ZNF787: variants seen among roughly 807,000 people sequenced by gnomAD.
ZNF787 encodes the protein zinc finger protein 787.
In ZNF787, 7 loss-of-function variants were observed where a neutral mutation model predicts 16.9. The ratio of observed to expected loss-of-function variants is 0.42; its 90% CI spans 0.24 to 0.78. The LOEUF (loss-of-function observed/expected upper bound fraction) is 0.78. ZNF787 is among the 30% of genes least tolerant of loss of function. The probability of loss-of-function intolerance (pLI) is 0.30; values close to 1 mark genes in which losing one functional copy is unlikely to be tolerated. For missense variants in ZNF787, 551 were observed against 589.3 expected (o/e 0.94, Z 0.67); for synonymous variants, 345 against 270.9 (o/e 1.27, Z -2.69).
rs1985344163 is a variant in ZNF787 at position 56,087,806 on chromosome 19, C to T, written c.*217G>A. The stretch of plus-strand genomic sequence containing the variant: ...GATAACTTAGGAAGGGCGGGCCAGG[C>T]TGAGGGGGCAGAGTCTCGAGGCGGA... On this transcript the variant is annotated 3_prime_UTR_variant, in exon 3 of 3. Coordinates refer to ENST00000610935, the MANE Select transcript of ZNF787 (RefSeq NM_001002836.4). The T allele has an allele frequency of 8.3e-6, 6 of 724,408 alleles. No individual in the cohort carries two copies. The highest frequency in any genetic ancestry group is 5.6e-5 in the South Asian group (1 of 18,004). The allele number at this position is 724,408 out of a possible 1,614,324, so 44.9% of individuals were successfully genotyped here. A position where few individuals can be genotyped will look rare whatever the true frequency, so the allele number is the denominator to read the frequency against.
chr19:56,114,176 A>G (rs2030062714), intron 1 of ZNF787, among the ~76,000 whole-genome samples: 1 of 151,312 alleles, frequency 6.6e-6, no homozygotes. Context: ...ACCTCTGCAA[A>G]CCCCCTCCCT....
rs539038636 is a variant in ZNF787, at chr19:56,118,766, G to C, written c.-11+2406C>G. On this transcript the variant is annotated intron_variant, in intron 1 of 2. Transcript: ENST00000610935. Reference sequence around the variant, plus strand: ...GATGCACCAGAGGACACACGAACGAGGTTTGGAAAGGCCTGTGAAACATGT... The same window carrying C: ...GATGCACCAGAGGACACACGAACGACGTTTGGAAAGGCCTGTGAAACATGT... 9.2e-5 allele frequency among the ~76,000 whole-genome samples: 14 copies of C among 152,298 alleles called. No individual in the cohort carries two copies. In the South Asian group the frequency reaches 2.7e-3, roughly 29 times the overall value.
chr19:56,087,959 T>A lies in ZNF787; in HGVS notation c.*64A>T, dbSNP rs956703174. 2.3e-6 allele frequency: 3 copies of A among 1,297,652 alleles called. No individual in the cohort carries two copies. The highest frequency in any genetic ancestry group is 2.0e-6 in the Non-Finnish European group (2 of 1,025,178). The allele number at this position is 1,297,652 out of a possible 1,614,324, so 80.4% of individuals were successfully genotyped here. A position where few individuals can be genotyped will look rare whatever the true frequency, so the allele number is the denominator to read the frequency against. Reference sequence around the variant, plus strand: ...CCGCTTCTCCCTGGGTCTCTTGGTCTTGCACGTCGTCGCTCCCGCCAAGCC... The same window carrying A: ...CCGCTTCTCCCTGGGTCTCTTGGTCATGCACGTCGTCGCTCCCGCCAAGCC... On this transcript the variant is annotated 3_prime_UTR_variant, in exon 3 of 3. Transcript: ENST00000610935.
chr19:56,090,266 G>C (rs530315522), intron 2 of ZNF787, among the ~76,000 whole-genome samples: 2 of 152,292 alleles, frequency 1.3e-5, no homozygotes, highest in Admixed American at 1.3e-4. Flanking sequence ...CATAAGCTGG[G>C]AGCACAAAAC....
In ZNF787 at chr19:56,089,880, C is replaced by G. The variant is rs184220076; in HGVS notation, c.80-788G>C. 2.5e-3 allele frequency among the ~76,000 whole-genome samples: 381 copies of G among 152,280 alleles called. 1 individual carries two copies. Among genetic ancestry groups the G allele is most frequent in the African/African-American group, 8.7e-3 (361 of 41,566 alleles). ...ACCAGGCCTGCCCCTGGGGGCTCTCCCGGGAGGGATGGGCTTGCCTCCTCC... is the reference window on the plus strand; with the variant it reads ...ACCAGGCCTGCCCCTGGGGGCTCTCGCGGGAGGGATGGGCTTGCCTCCTCC... On this transcript the variant is annotated intron_variant, in intron 2 of 2. Transcript: ENST00000610935.
In ZNF787 at chr19:56,087,927, AC is replaced by A; in HGVS notation, c.*95del. On this transcript the variant is annotated 3_prime_UTR_variant, in exon 3 of 3. Transcript: ENST00000610935. ...CCGGGGATGCCGCGGGGTCCATCGC[AC>A]CCCGTCCGCTTCTCCCTGGGTCTCT... The A allele has an allele frequency of 7.8e-7, 1 of 1,283,116 alleles. No homozygotes were observed. Among genetic ancestry groups the A allele is most frequent in the Non-Finnish European group, 9.8e-7 (1 of 1,016,970 alleles). The allele number at this position is 1,283,116 out of a possible 1,614,324, so 79.5% of individuals were successfully genotyped here.
Position 56,088,833 on chromosome 19 carries a change from C to G in ZNF787, c.339G>C (p.Arg113=). The G allele has an allele frequency of 8.1e-6, 13 of 1,611,494 alleles. No homozygotes were observed. Among genetic ancestry groups the G allele is most frequent in the Non-Finnish European group, 1.0e-5 (12 of 1,178,934 alleles). ...AGGGCTTCTCGCCCGTGTGGATGCG[C>G]CGGTGCTGCACCAGGTGCGAGCTCT... ...FSQSSHLVQH[R]RIHTGEKPYA... The change falls in exon 3 of 3, where the codon CGG becomes CGC. Residue 113 remains arginine (R), a synonymous_variant. Transcript: ENST00000610935. The surrounding 1 kb of genome is among the most constrained non-coding windows in gnomAD (Gnocchi z 8.6).
chr19:56,107,849 G>A (rs891116672), intron 1 of ZNF787, among the ~76,000 whole-genome samples: 4 of 149,260 alleles, frequency 2.7e-5, no homozygotes, highest in East Asian at 2.0e-4. Context: ...GAGGCCGCTC[G>A]AAGGCCGGGC....
intron 1 of ZNF787, among the ~76,000 whole-genome samples, chr19:56,112,290 TC>T (rs2030002716): frequency 6.6e-6 from 1 of 152,044 alleles, no homozygotes; most frequent in Admixed American, 6.6e-5. Flanking sequence ...GAAACGAGGG[TC>T]CCGGCCTCCC....
At position 56,088,499 on chromosome 19, in the gene ZNF787, C is replaced by T; in HGVS notation, c.673G>A (p.Glu225Lys). The change falls in exon 3 of 3, where the codon GAG becomes AAG. Residue 225 changes from glutamate (E) to lysine (K), a missense_variant. Around this residue, in one of 4 missense-constraint regions of ZNF787, gnomAD observed 392 missense variants for 312.7 expected, o/e 1.25. Coordinates refer to ENST00000610935, the MANE Select transcript of ZNF787 (RefSeq NM_001002836.4). The surrounding 1 kb of genome is among the most constrained non-coding windows in gnomAD (Gnocchi z 8.6). ...ASVRRAKGPE[E>K]AVAADGEIAI... Reference sequence around the variant, plus strand: ...ATCTCGCCGTCCGCCGCCACCGCCTCTTCGGGCCCCTTGGCCCGCCGGACG... The same window carrying T: ...ATCTCGCCGTCCGCCGCCACCGCCTTTTCGGGCCCCTTGGCCCGCCGGACG... 7.1e-7 allele frequency: 1 copy of T among 1,401,946 alleles called. No individual in the cohort carries two copies. Among genetic ancestry groups the T allele is most frequent in the Non-Finnish European group, 9.2e-7 (1 of 1,084,144 alleles). The allele number at this position is 1,401,946 out of a possible 1,614,324, so 86.8% of individuals were successfully genotyped here.
intron 1 of ZNF787, among the ~76,000 whole-genome samples, chr19:56,116,212 T>A (rs1319438626): frequency 6.6e-6 from 1 of 151,838 alleles, no homozygotes; most frequent in African/African-American, 2.4e-5. Flanking sequence ...GAGGCCGAGG[T>A]GGGCGGATCA....
chr19:56,111,458 C>T (rs1424070019), intron 1 of ZNF787, among the ~76,000 whole-genome samples: 1 of 152,274 alleles, frequency 6.6e-6, no homozygotes, highest in South Asian at 2.1e-4. Context: ...CTGCACCCAC[C>T]CGTGGGTGAA....
intron 2 of ZNF787, among the ~76,000 whole-genome samples, chr19:56,097,628 T>A (rs1243099168): frequency 6.6e-6 from 1 of 152,258 alleles, no homozygotes; most frequent in Non-Finnish European, 1.5e-5. Flanking sequence ...GTGGAACTTT[T>A]ATTTTGGTCT....
chr19:56,114,694 GT>G (rs914589056), intron 1 of ZNF787, among the ~76,000 whole-genome samples: 1 of 152,128 alleles, frequency 6.6e-6, no homozygotes, highest in Non-Finnish European at 1.5e-5. Flanking sequence ...TGTCACGAGC[GT>G]GGTGATATCA....
At chr19:56,091,963 A>ACCGAAG (rs1469823928) in intron 2 of ZNF787, among the ~76,000 whole-genome samples, 1 of 145,626 alleles carries the variant, frequency 6.9e-6, no homozygotes, top group Non-Finnish European at 1.5e-5. Flanking sequence ...CGAAACCGAA[A>ACCGAAG]CCGAAGCCAA....
Position 56,088,056 on chromosome 19 carries a change from C to A in ZNF787, c.1116G>T (p.Arg372=). Residue 372 remains arginine (R), a synonymous_variant, in exon 3 of 3, where the codon CGG becomes CGT. Coordinates refer to ENST00000610935, the MANE Select transcript of ZNF787 (RefSeq NM_001002836.4). The surrounding 1 kb of genome is among the most constrained non-coding windows in gnomAD (Gnocchi z 8.6). ...CCTCCCCACCGCGGCACTCGGGGCA[C>A]CGCCCGCCCGCGGCCTCGTCGTCGT... ...EDDDDEAAGG[R]CPECRGGEGR is the part of the protein sequence containing the mutation. 7.1e-7 allele frequency: 1 copy of A among 1,416,232 alleles called. No individual in the cohort carries two copies. 87.7% of individuals were successfully genotyped at this position (1,416,232 alleles called of 1,614,324 possible).
intron 1 of ZNF787, among the ~76,000 whole-genome samples, chr19:56,116,217 G>C (rs1222445012): frequency 1.3e-5 from 2 of 152,044 alleles, no homozygotes; most frequent in African/African-American, 4.8e-5. Context: ...CGAGGTGGGC[G>C]GATCACAGGG....
chr19:56,108,775 C>A (rs557114183), intron 1 of ZNF787, among the ~76,000 whole-genome samples: 22 of 152,150 alleles, frequency 1.4e-4, no homozygotes, highest in Non-Finnish European at 2.9e-5. Flanking sequence ...GAGACCCACG[C>A]GGAAGGACAG....
intron 1 of ZNF787, among the ~76,000 whole-genome samples, chr19:56,112,102 C>T (rs1181170372): frequency 6.6e-6 from 1 of 152,144 alleles, no homozygotes; most frequent in African/African-American, 2.4e-5. Flanking sequence ...GACCCTCACC[C>T]GCAGAGGTGA....
Sources: allele counts gnomAD v4.1 joint callset (sites outside exome capture counted in the v4.1 genomes callset), GRCh38; gene constraint gnomAD v4.1.1; regional missense constraint gnomAD v4.1.1; non-coding constraint Gnocchi (gnomAD v3.1); transcripts MANE v1.5; gene names NCBI Gene and HGNC (gene_info 2026-07-23, HGNC 2026-07-21).